The following HS3ST3A1 variants were observed in gnomAD, a reference collection of about 807,000 sequenced individuals.
The protein encoded by HS3ST3A1 is heparan sulfate glucosamine 3-O-sulfotransferase 3A1.
HS3ST3A1 carries 19 observed loss-of-function variants against 25.7 expected under a neutral mutation model. That is an observed-to-expected ratio of 0.74 (90% CI 0.52 to 1.08). The LOEUF is 1.08. Ranked by LOEUF, HS3ST3A1 falls within the 50% of genes least tolerant of loss-of-function variation. The probability of loss-of-function intolerance (pLI) is 0.00; values close to 1 mark genes in which losing one functional copy is unlikely to be tolerated. For missense variants in HS3ST3A1, 459 were observed against 594.3 expected, an observed-to-expected ratio of 0.77 and a Z score of 2.37; for synonymous variants, 226 against 278.6, an observed-to-expected ratio of 0.81 and a Z score of 1.88.
At chr17:13,549,929 C>T (rs1277687955) in intron 1 of HS3ST3A1, among the ~76,000 whole-genome samples, 1 of 152,200 alleles carries the variant, frequency 6.6e-6, no homozygotes, top group Non-Finnish European at 1.5e-5. Flanking sequence ...GACCCACTAT[C>T]TCCAAAGTGC....
intron 1 of HS3ST3A1, among the ~76,000 whole-genome samples, chr17:13,592,430 C>T (rs76726364): frequency 1.3e-5 from 2 of 152,194 alleles, no homozygotes; most frequent in South Asian, 2.1e-4. Flanking sequence ...AAAGATATAC[C>T]GCGGGGTCCA....
intron 1 of HS3ST3A1, among the ~76,000 whole-genome samples, chr17:13,533,984 G>A (rs1179310256): frequency 6.6e-6 from 1 of 152,118 alleles, no homozygotes; most frequent in Non-Finnish European, 1.5e-5. Flanking sequence ...ATCAATTTGG[G>A]TACTTTCGTT....
At chr17:13,516,452 G>A (rs1906057581) in intron 1 of HS3ST3A1, among the ~76,000 whole-genome samples, 1 of 152,164 alleles carries the variant, frequency 6.6e-6, no homozygotes, top group Admixed American at 6.5e-5. Flanking sequence ...CTTTGGCTGA[G>A]CAAAAGTTTT....
intron 1 of HS3ST3A1, among the ~76,000 whole-genome samples, chr17:13,578,896 A>T (rs1213950504): frequency 6.6e-6 from 1 of 152,222 alleles, no homozygotes; most frequent in African/African-American, 2.4e-5. Flanking sequence ...TTCATTATTA[A>T]AGATACTCAA....
intron 1 of HS3ST3A1, among the ~76,000 whole-genome samples, chr17:13,543,261 G>C (rs951535586): frequency 6.6e-6 from 1 of 152,162 alleles, no homozygotes; most frequent in Non-Finnish European, 1.5e-5. Context: ...GTGGGGGGCA[G>C]TCTTGTGAGA....
At chr17:13,526,474 TTATA>T (rs58701744) in intron 1 of HS3ST3A1, among the ~76,000 whole-genome samples, 4,254 of 75,970 alleles carry the variant, frequency 0.056, 187 homozygotes, top group Admixed American at 0.16. Flanking sequence ...ACTTTAATTT[TTATA>T]TATATATATA....
chr17:13,591,675 T>TG (rs1189042980), intron 1 of HS3ST3A1, among the ~76,000 whole-genome samples: 3 of 109,882 alleles, frequency 2.7e-5, no homozygotes, highest in Non-Finnish European at 4.1e-5. Flanking sequence ...TTTTTTTTTT[T>TG]TGGGACAGAG....
At chr17:13,525,357 C>A (rs1415767917) in intron 1 of HS3ST3A1, among the ~76,000 whole-genome samples, 2 of 151,708 alleles carry the variant, frequency 1.3e-5, no homozygotes, top group Non-Finnish European at 2.9e-5. Flanking sequence ...CTAATGCTTT[C>A]TGAAATGTAA....
At chr17:13,581,768 GA>G (rs1261648437) in intron 1 of HS3ST3A1, among the ~76,000 whole-genome samples, 1 of 152,126 alleles carries the variant, frequency 6.6e-6, no homozygotes, top group African/African-American at 2.4e-5. Flanking sequence ...TGGTCTATCA[GA>G]TAAGTATTGG....
chr17:13,582,551 C>T (rs1043582863), intron 1 of HS3ST3A1, among the ~76,000 whole-genome samples: 2 of 152,138 alleles, frequency 1.3e-5, no homozygotes, highest in Non-Finnish European at 2.9e-5. Flanking sequence ...GAAGGAAAAA[C>T]ATGCTTGCAT....
chr17:13,514,532 G>A (rs1203996040), intron 1 of HS3ST3A1, among the ~76,000 whole-genome samples: 1 of 152,154 alleles, frequency 6.6e-6, no homozygotes, highest in Non-Finnish European at 1.5e-5. Context: ...TTCATTTTGT[G>A]TTTGGAGTTT....
intron 1 of HS3ST3A1, among the ~76,000 whole-genome samples, chr17:13,580,287 T>C (rs910179081): frequency 3.3e-5 from 5 of 152,102 alleles, no homozygotes; most frequent in Non-Finnish European, 1.5e-5. Context: ...CACAGTTCCA[T>C]ACATGTTGAT....
At chr17:13,589,759 G>A (rs1361913600) in intron 1 of HS3ST3A1, among the ~76,000 whole-genome samples, 3 of 152,122 alleles carry the variant, frequency 2.0e-5, no homozygotes, top group Admixed American at 6.5e-5. Context: ...TCGTGGCAGC[G>A]TTTTTTCAAA....
chr17:13,573,603 T>G (rs1046027688), intron 1 of HS3ST3A1, among the ~76,000 whole-genome samples: 7 of 152,316 alleles, frequency 4.6e-5, no homozygotes, highest in African/African-American at 1.2e-4. Flanking sequence ...CAAAAGACAG[T>G]AGCTGTGTCT....
At chr17:13,587,540 G>T (rs1427415106) in intron 1 of HS3ST3A1, among the ~76,000 whole-genome samples, 1 of 152,144 alleles carries the variant, frequency 6.6e-6, no homozygotes, top group Non-Finnish European at 1.5e-5. Context: ...ACAGACAGAT[G>T]AGTGAATAAC....
chr17:13,532,878 C>CGTGTGTGT (rs113095368), intron 1 of HS3ST3A1, among the ~76,000 whole-genome samples: 1,973 of 139,322 alleles, frequency 0.014, 49 homozygotes, highest in African/African-American at 0.049. Context: ...AATACATATA[C>CGTGTGTGT]GTGTGTGTGT....
In HS3ST3A1 at chr17:13,600,764, C is replaced by T. The variant is rs775330288; in HGVS notation, c.366G>A (p.Gly122=). The change falls in exon 1 of 2, where the codon GGG becomes GGA. Residue 122 remains glycine (G), a synonymous_variant. Transcript: ENST00000284110. ...AWEEESPGLS[G]GPGGSGAGST... ...TTCCGGCCCCGGAGCCGCCCGGACC[C>T]CCTGACAGGCCAGGGGACTCTTCTT... 9 of 1,505,544 alleles carry T rather than the reference C, an allele frequency of 6.0e-6. No individual in the cohort carries two copies. In the Admixed American group the frequency reaches 1.9e-4, roughly 32 times the overall value. The allele number at this position is 1,505,544 out of a possible 1,614,324, so 93.3% of individuals were successfully genotyped here.
intron 1 of HS3ST3A1, among the ~76,000 whole-genome samples, chr17:13,537,715 T>C (rs777932815): frequency 6.6e-6 from 1 of 152,186 alleles, no homozygotes; most frequent in Non-Finnish European, 1.5e-5. Context: ...CTTTCAAGTA[T>C]TAAAGACAAC....
chr17:13,505,404 C>T (rs1905630403), intron 1 of HS3ST3A1, among the ~76,000 whole-genome samples: 1 of 152,124 alleles, frequency 6.6e-6, no homozygotes, highest in South Asian at 2.1e-4. Flanking sequence ...AAGATGATGA[C>T]TTGATTAACG....
Sources: allele counts gnomAD v4.1 joint callset (sites outside exome capture counted in the v4.1 genomes callset), GRCh38; gene constraint gnomAD v4.1.1; transcripts MANE v1.5; gene names NCBI Gene and HGNC (gene_info 2026-07-23, HGNC 2026-07-21).